TRDN: variants seen among roughly 807,000 people sequenced by gnomAD.
The protein encoded by TRDN is triadin, also known as triadin in skeletal muscle.
Under a neutral mutation model 149.7 loss-of-function variants are expected in TRDN, and 161 were observed. The ratio of observed to expected loss-of-function variants is 1.08; its 90% confidence interval spans 0.95 to 1.23. The LOEUF (loss-of-function observed/expected upper bound fraction) is 1.23. Among genes scored for constraint, TRDN ranks in the 50% most tolerant of loss-of-function variants. TRDN has a pLI of 0.00. For missense variants in TRDN, 896 were observed against 823.5 expected (o/e 1.09, Z -1.08); for synonymous variants, 294 against 250.5 (o/e 1.17, Z -1.64).
chr6:123,433,162 A>ATAAT (rs796874348), intron 12 of TRDN, among the ~76,000 whole-genome samples: 2,484 of 79,748 alleles, frequency 0.031, 43 homozygotes, highest in South Asian at 0.048. Context: ...ATATATATAT[A>ATAAT]ATATATATAT....
intron 24 of TRDN, among the ~76,000 whole-genome samples, chr6:123,300,001 A>G (rs955272984): frequency 1.3e-5 from 2 of 152,050 alleles, no homozygotes; most frequent in African/African-American, 4.8e-5. Flanking sequence ...CCTTTCTAAT[A>G]CAGTTGACTT....
chr6:123,492,622 A>T (rs1011337459), intron 9 of TRDN, among the ~76,000 whole-genome samples: 3 of 152,184 alleles, frequency 2.0e-5, no homozygotes, highest in Non-Finnish European at 4.4e-5. Context: ...TATAGCTGTC[A>T]CTTAAGAAAA....
chr6:123,364,510 G>T (rs1781017058), intron 20 of TRDN, among the ~76,000 whole-genome samples: 1 of 152,134 alleles, frequency 6.6e-6, no homozygotes, highest in Non-Finnish European at 1.5e-5. Flanking sequence ...GATGGTGCGT[G>T]CCTGTAGTCC....
intron 1 of TRDN, among the ~76,000 whole-genome samples, chr6:123,604,033 C>T (rs766934727): frequency 6.6e-5 from 10 of 152,176 alleles, no homozygotes; most frequent in South Asian, 2.1e-4. Context: ...GATGAGTTAC[C>T]GAAAGATTGC....
intron 1 of TRDN, among the ~76,000 whole-genome samples, chr6:123,597,451 T>C (rs1784089645): frequency 1.3e-5 from 2 of 152,138 alleles, no homozygotes; most frequent in South Asian, 4.1e-4. Context: ...ATAAACTTAG[T>C]AAATTAAAAA....
At chr6:123,509,285 T>G (rs1779064459) in intron 7 of TRDN, among the ~76,000 whole-genome samples, 1 of 152,082 alleles carries the variant, frequency 6.6e-6, no homozygotes, top group Non-Finnish European at 1.5e-5. Flanking sequence ...GACTCCCAAC[T>G]TGTGGCATTC....
chr6:123,414,788 T>A (rs1322250031), intron 12 of TRDN, among the ~76,000 whole-genome samples: 1 of 152,136 alleles, frequency 6.6e-6, no homozygotes, highest in Non-Finnish European at 1.5e-5. Flanking sequence ...AATCTTTTGA[T>A]TATTGCTGGA....
At chr6:123,281,505 A>T (rs1446518091) in intron 24 of TRDN, among the ~76,000 whole-genome samples, 1 of 152,016 alleles carries the variant, frequency 6.6e-6, no homozygotes. Context: ...GGTTATGGAG[A>T]TTCTCTCCAG....
At chr6:123,314,874 GA>G (rs1778967241) in intron 24 of TRDN, among the ~76,000 whole-genome samples, 1 of 151,900 alleles carries the variant, frequency 6.6e-6, no homozygotes, top group Non-Finnish European at 1.5e-5. Flanking sequence ...GAGATGATCA[GA>G]AAAAATAACT....
At position 123,382,129 on chromosome 6, in the gene TRDN, T is replaced by C; in HGVS notation, c.1154A>G (p.Lys385Arg). Residue 385 changes from lysine to arginine, a missense_variant, in exon 15 of 41, where the codon AAA becomes AGA. By Grantham distance (26) the Lys-to-Arg change is conservative. Transcript: ENST00000334268. Reference sequence around the variant, plus strand: ...AATATGTCCAGTACCTTCTGCAGGTTTTTTTGTTTTCTTGGAATCTGAAAA... The same window carrying C: ...AATATGTCCAGTACCTTCTGCAGGTCTTTTTGTTTTCTTGGAATCTGAAAA... ...EKKEDSKKTKKPAEVEQPKGK... is the reference protein window; with the variant it reads ...EKKEDSKKTKRPAEVEQPKGK... 2 of 1,500,476 alleles carry C rather than the reference T, an allele frequency of 1.3e-6. No homozygotes were observed. Among genetic ancestry groups the C allele is most frequent in the South Asian group, 2.6e-5 (2 of 75,952 alleles). 92.9% of individuals were successfully genotyped at this position (1,500,476 alleles called of 1,614,324 possible). A position where few individuals can be genotyped will look rare whatever the true frequency, so the allele number is the denominator to read the frequency against.
chr6:123,357,645 T>C (rs1780735128), intron 20 of TRDN, among the ~76,000 whole-genome samples: 1 of 152,186 alleles, frequency 6.6e-6, no homozygotes, highest in Non-Finnish European at 1.5e-5. Flanking sequence ...TTTGTAACTA[T>C]AATAGAGCCA....
At chr6:123,429,438 A>T (rs1774247609) in intron 12 of TRDN, among the ~76,000 whole-genome samples, 1 of 152,320 alleles carries the variant, frequency 6.6e-6, no homozygotes, top group South Asian at 2.1e-4. Context: ...GAGAGGCTGC[A>T]GTTGAGGGAG....
chr6:123,352,694 A>G, intron 20 of TRDN, 108 bp from the exon 21 acceptor site: 2 of 1,398,440 alleles, frequency 1.4e-6, no homozygotes. Flanking sequence ...CTTTTACACA[A>G]GTTATTTTGA....
intron 33 of TRDN, among the ~76,000 whole-genome samples, chr6:123,261,891 T>G (rs1263677270): frequency 6.6e-6 from 1 of 151,942 alleles, no homozygotes; most frequent in Non-Finnish European, 1.5e-5. Context: ...GTACTTAATG[T>G]TTAAAATTGG....
At chr6:123,301,473 T>A (rs1176273706) in intron 24 of TRDN, among the ~76,000 whole-genome samples, 1 of 151,798 alleles carries the variant, frequency 6.6e-6, no homozygotes, top group African/African-American at 2.4e-5. Flanking sequence ...TCCCTGCCTG[T>A]AGCTTGGGCA....
At chr6:123,440,464 C>T (rs947049306) in intron 10 of TRDN, among the ~76,000 whole-genome samples, 4 of 152,142 alleles carry the variant, frequency 2.6e-5, no homozygotes, top group African/African-American at 4.8e-5. Context: ...TTCAGCTTCT[C>T]TGGGAGAAAT....
chr6:123,349,850 A>G, intron 21 of TRDN: 1 of 985,412 alleles, frequency 1.0e-6, no homozygotes, highest in South Asian at 4.7e-5. Context: ...GGATGAGGAC[A>G]GTGATAGATT....
At chr6:123,280,560 A>G (rs1777544282) in intron 24 of TRDN, among the ~76,000 whole-genome samples, 2 of 151,704 alleles carry the variant, frequency 1.3e-5, no homozygotes, top group South Asian at 2.1e-4. Flanking sequence ...CTATCTACAT[A>G]TAGTATCTCT....
intron 1 of TRDN, among the ~76,000 whole-genome samples, chr6:123,623,103 C>T (rs575149769): frequency 2.8e-4 from 43 of 152,052 alleles, no homozygotes; most frequent in Non-Finnish European, 5.7e-4. Context: ...TGATTTTTCT[C>T]AAGAGGGAAG....
Sources: allele counts gnomAD v4.1 joint callset (sites outside exome capture counted in the v4.1 genomes callset), GRCh38; gene constraint gnomAD v4.1.1; transcripts MANE v1.5; gene names NCBI Gene and HGNC (gene_info 2026-07-23, HGNC 2026-07-21).